Variants in PDIA5 observed in about 807,000 individuals in gnomAD.
The protein encoded by PDIA5 is protein disulfide-isomerase A5.
PDIA5 carries 58 observed loss-of-function variants against 77.6 expected under a neutral mutation model. The observed-to-expected ratio is 0.75, with a 90% CI of 0.61 to 0.93. The LOEUF is 0.93. Ranked by LOEUF, PDIA5 falls within the 40% of genes least tolerant of loss-of-function variation. PDIA5 has a pLI of 0.00. For synonymous variants in PDIA5, 250 were observed against 252.1 expected, an observed-to-expected ratio of 0.99 and a Z score of 0.08; for missense variants, 630 against 647.7, an observed-to-expected ratio of 0.97 and a Z score of 0.30.
intron 6 of PDIA5, among the ~76,000 whole-genome samples, chr3:123,108,022 T>C (rs2589600): frequency 0.89 from 134,997 of 152,198 alleles, 60,489 homozygotes; most frequent in Non-Finnish European, 0.96. Flanking sequence ...GTCTTGAACA[T>C]CTATCCTCAA....
At chr3:123,111,133 C>T (rs1379260069) in intron 7 of PDIA5, 129 bp downstream of exon 7, 2 of 707,254 alleles carry the variant, frequency 2.8e-6, no homozygotes, top group Non-Finnish European at 5.1e-6. Context: ...TGAATCTCAT[C>T]TCTCCATCTG....
intron 15 of PDIA5, among the ~76,000 whole-genome samples, chr3:123,155,318 C>T (rs1472525778): frequency 2.0e-5 from 3 of 152,066 alleles, no homozygotes; most frequent in Admixed American, 1.3e-4. Context: ...AGTGTTTGAA[C>T]CTTTTTACTG....
rs182725506 is a variant in PDIA5, at chr3:123,153,068, C to T, written c.1274-1903C>T. Among the ~76,000 whole-genome samples, 222 of 152,170 alleles carry T rather than the reference C, an allele frequency of 1.5e-3. 1 individual carries two copies. The highest frequency in any genetic ancestry group is 5.0e-3 in the African/African-American group (206 of 41,502). On this transcript the variant is annotated intron_variant, in intron 14 of 16. Transcript: ENST00000316218. ...TTCATGCACTTTCTGAAACAGCCCT[C>T]CCTCCCATTACTCATTGGCCCCACT...
At position 123,145,547 on chromosome 3, in the gene PDIA5, G is replaced by A. The variant is rs893245356; in HGVS notation, c.936G>A (p.Lys312=). 8.1e-6 allele frequency: 13 copies of A among 1,614,012 alleles called. No individual in the cohort carries two copies. The highest frequency in any genetic ancestry group is 1.1e-5 in the Non-Finnish European group (13 of 1,179,900). The change falls in exon 12 of 17, where the codon AAG becomes AAA. Residue 312 remains lysine, a synonymous_variant. Transcript: ENST00000316218. ...GGTGTGGCCACTGTAAGAAAATGAA[G>A]CCGGAGTTTGAGAAGGCAGCAGAAG... ...APWCGHCKKM[K]PEFEKAAEAL... is the part of the protein sequence containing the mutation.
At chr3:123,148,171 C>T (rs551708173) in intron 13 of PDIA5, among the ~76,000 whole-genome samples, 6 of 152,284 alleles carry the variant, frequency 3.9e-5, no homozygotes, top group African/African-American at 1.4e-4. Flanking sequence ...AGTTTCCTAT[C>T]TGTAAGATGG....
chr3:123,124,042 C>G (rs370535679), intron 8 of PDIA5, 24 bp from the exon 9 acceptor site: 1 of 1,534,426 alleles, frequency 6.5e-7, no homozygotes, highest in Non-Finnish European at 9.0e-7. Context: ...AGGCTCCACA[C>G]GGCTCTTCTC....
chr3:123,125,637 GA>G (rs1319167375), intron 10 of PDIA5, among the ~76,000 whole-genome samples: 1 of 152,172 alleles, frequency 6.6e-6, no homozygotes, highest in Non-Finnish European at 1.5e-5. Context: ...TTCAAAATGG[GA>G]AAGAAGGGTG....
chr3:123,124,274 A>G lies in PDIA5; in HGVS notation c.704A>G (p.Lys235Arg). 1 of 1,612,776 alleles carries G rather than the reference A, an allele frequency of 6.2e-7. No individual in the cohort carries two copies. The highest frequency in any genetic ancestry group is 8.5e-7 in the Non-Finnish European group (1 of 1,178,740). ...CGTTGTTTCTCCACGTTTCACAGGA[A>G]AGGACGGTTCTTGTTCCAGTATGAC... is the stretch of plus-strand genomic sequence containing the variant. The part of the protein sequence containing the change: ...RGFPTICYFE[K>R]GRFLFQYDNY... Residue 235 changes from lysine (K) to arginine (R), a missense_variant and splice_region_variant, in exon 10 of 17, where the codon AAA becomes AGA. Lys to Arg is a conservative substitution (Grantham distance 26, BLOSUM62 2). Transcript: ENST00000316218.
intron 1 of PDIA5, among the ~76,000 whole-genome samples, chr3:123,080,874 C>A (rs61117962): frequency 0.01 from 1,515 of 147,694 alleles, 27 homozygotes; most frequent in African/African-American, 0.035. Context: ...GTGTCAGGGA[C>A]CCAGGTAACG....
At chr3:123,102,922 A>G in intron 5 of PDIA5, 126 bp downstream of exon 5, 1 of 715,608 alleles carries the variant, frequency 1.4e-6, no homozygotes, top group Non-Finnish European at 2.6e-6. Flanking sequence ...GACCTGAGAG[A>G]TTCTTATCTC....
chr3:123,159,072 A>G (rs1352139184), intron 15 of PDIA5, among the ~76,000 whole-genome samples: 1 of 152,238 alleles, frequency 6.6e-6, no homozygotes, highest in Admixed American at 6.5e-5. Flanking sequence ...AGATTTATAA[A>G]ACCATACACT....
At chr3:123,150,153 T>G (rs1935855286) in intron 13 of PDIA5, 81 bp from the exon 14 acceptor site, 2 of 959,430 alleles carry the variant, frequency 2.1e-6, no homozygotes, top group Admixed American at 2.1e-5. Context: ...CCCGAGTGGT[T>G]GGGACATTGA....
intron 1 of PDIA5, among the ~76,000 whole-genome samples, chr3:123,072,312 A>G (rs897701059): frequency 1.3e-5 from 2 of 152,202 alleles, no homozygotes; most frequent in African/African-American, 4.8e-5. Flanking sequence ...AATGATATCC[A>G]TCTTGCAGTG....
At chr3:123,088,829 A>T (rs572887449) in intron 1 of PDIA5, among the ~76,000 whole-genome samples, 2 of 152,108 alleles carry the variant, frequency 1.3e-5, no homozygotes. Context: ...TTTTATTGCT[A>T]TTATTTTTTA....
chr3:123,154,905 C>G lies in PDIA5; in HGVS notation c.1274-66C>G, dbSNP rs1935984360. On this transcript the variant is annotated intron_variant, in intron 14 of 16. Transcript: ENST00000316218. ...CCTCTCTGGAGCTTTCAGGAAGGGT[C>G]CCTGGCCCTGCAGCCTCCCTGCACA... 4.7e-6 allele frequency: 5 copies of G among 1,054,724 alleles called. No individual in the cohort carries two copies. In the East Asian group the frequency reaches 9.5e-5, roughly 20 times the overall value. 65.3% of individuals were successfully genotyped at this position (1,054,724 alleles called of 1,614,324 possible).
chr3:123,078,170 G>C (rs918089538), intron 1 of PDIA5, among the ~76,000 whole-genome samples: 1 of 152,186 alleles, frequency 6.6e-6, no homozygotes, highest in Non-Finnish European at 1.5e-5. Flanking sequence ...TGCTAGGTAT[G>C]TGTTGCGTGC....
intron 1 of PDIA5, among the ~76,000 whole-genome samples, chr3:123,080,066 G>A (rs755609654): frequency 1.1e-4 from 16 of 152,152 alleles, no homozygotes; most frequent in Non-Finnish European, 2.2e-4. Flanking sequence ...GAGGTCACAC[G>A]TGAGGAATTA....
Position 123,155,026 on chromosome 3 carries a change from C to G in PDIA5, c.1329C>G (p.Phe443Leu). The G allele has an allele frequency of 6.2e-7, 1 of 1,609,574 alleles. No individual in the cohort carries two copies. Among genetic ancestry groups the G allele is most frequent in the Non-Finnish European group, 8.5e-7 (1 of 1,175,822 alleles). The change falls in exon 15 of 17, where the codon TTC (phenylalanine) becomes TTG (leucine). Residue 443 changes from phenylalanine to leucine, a missense_variant. Phe to Leu is a conservative substitution (Grantham distance 22). Coordinates refer to ENST00000316218, the MANE Select transcript of PDIA5 (RefSeq NM_006810.4). ...IPHFTATADA[F>L]KDDRKIACAA... ...ACTTTACTGCTACTGCTGATGCCTT[C>G]AAAGATGACCGAAAGGTAAGGACAG...
chr3:123,121,510 C>T (rs1935119170), intron 8 of PDIA5, among the ~76,000 whole-genome samples: 1 of 152,154 alleles, frequency 6.6e-6, no homozygotes, highest in African/African-American at 2.4e-5. Context: ...AATAGATGCC[C>T]CCAAAATGGC....
Sources: gnomAD v4.1 joint callset for allele counts (sites outside exome capture counted in the v4.1 genomes callset) on GRCh38, gnomAD v4.1.1 for gene constraint, MANE v1.5 for transcripts, NCBI Gene and HGNC (gene_info 2026-07-23, HGNC 2026-07-21) for gene names.